Variants in MGMT observed in about 807,000 individuals in gnomAD.
MGMT encodes the protein methylated-DNA--protein-cysteine methyltransferase.
MGMT carries 14 observed loss-of-function variants against 15.9 expected under a neutral mutation model. That is an observed-to-expected ratio of 0.88 (90% confidence interval 0.58 to 1.37). The LOEUF (loss-of-function observed/expected upper bound fraction) is 1.37. Ranked by LOEUF, MGMT falls within the 40% of genes most tolerant of loss-of-function variation. The pLI is 0.00. For synonymous variants in MGMT, 130 were observed against 118.2 expected (o/e 1.10, Z -0.65); for missense variants, 282 against 268.1 (o/e 1.05, Z -0.36).
intron 1 of MGMT, among the ~76,000 whole-genome samples, chr10:129,486,778 T>C (rs889007739): frequency 6.6e-5 from 10 of 152,214 alleles, no homozygotes; most frequent in African/African-American, 2.4e-4. Flanking sequence ...CAGGCTTAAG[T>C]GTGTGTCATC....
At chr10:129,630,520 A>G (rs1396947874) in intron 2 of MGMT, among the ~76,000 whole-genome samples, 1 of 152,200 alleles carries the variant, frequency 6.6e-6, no homozygotes, top group Non-Finnish European at 1.5e-5. Context: ...CTTTCTCATA[A>G]TGCTCTTGGC....
intron 2 of MGMT, among the ~76,000 whole-genome samples, chr10:129,629,674 G>T (rs1399829574): frequency 6.6e-6 from 1 of 152,146 alleles, no homozygotes; most frequent in Non-Finnish European, 1.5e-5. Context: ...CTGTGTAAGG[G>T]TTGCTCCACG....
intron 1 of MGMT, among the ~76,000 whole-genome samples, chr10:129,485,484 A>G (rs1845399158): frequency 6.6e-6 from 1 of 152,150 alleles, no homozygotes; most frequent in Admixed American, 6.5e-5. Flanking sequence ...CCATTGTTTT[A>G]TATAAAAGTT....
intron 3 of MGMT, among the ~76,000 whole-genome samples, chr10:129,722,750 A>G (rs1254187220): frequency 6.6e-6 from 1 of 152,170 alleles, no homozygotes; most frequent in Non-Finnish European, 1.5e-5. Flanking sequence ...TTACGCCTGT[A>G]ACCCCAGCAC....
intron 2 of MGMT, among the ~76,000 whole-genome samples, chr10:129,661,418 C>T (rs1847596657): frequency 6.6e-6 from 1 of 152,134 alleles, no homozygotes; most frequent in African/African-American, 2.4e-5. Context: ...AAGACGCGTC[C>T]ATTTCTCACA....
intron 1 of MGMT, among the ~76,000 whole-genome samples, chr10:129,514,138 A>G (rs1845713116): frequency 6.6e-6 from 1 of 152,234 alleles, no homozygotes; most frequent in Non-Finnish European, 1.5e-5. Context: ...TACCTGCTGA[A>G]TTTTGTAATA....
At chr10:129,543,872 C>A (rs964437652) in intron 2 of MGMT, among the ~76,000 whole-genome samples, 1 of 152,174 alleles carries the variant, frequency 6.6e-6, no homozygotes, top group Admixed American at 6.5e-5. Context: ...ATGACAGCTA[C>A]AAATAGGTGA....
intron 2 of MGMT, among the ~76,000 whole-genome samples, chr10:129,559,520 T>TA: frequency 6.6e-6 from 1 of 152,298 alleles, no homozygotes; most frequent in South Asian, 2.1e-4. Flanking sequence ...TTTAATGTTT[T>TA]AGGGGAGATT....
intron 2 of MGMT, among the ~76,000 whole-genome samples, chr10:129,574,530 C>A (rs1188652696): frequency 1.3e-5 from 2 of 152,140 alleles, no homozygotes; most frequent in African/African-American, 4.8e-5. Context: ...AATATAGGTA[C>A]ATAAATCCTA....
chr10:129,493,581 A>C (rs564186809), intron 1 of MGMT, among the ~76,000 whole-genome samples: 1 of 152,328 alleles, frequency 6.6e-6, no homozygotes, highest in South Asian at 2.1e-4. Flanking sequence ...AGATTTAGAA[A>C]AAGTAATATT....
chr10:129,512,512 C>T (rs752952419), intron 1 of MGMT, among the ~76,000 whole-genome samples: 2 of 152,142 alleles, frequency 1.3e-5, no homozygotes, highest in Non-Finnish European at 2.9e-5. Flanking sequence ...TGCCTTTGAG[C>T]TTCGGGTCTT....
rs1028717571 is a variant in MGMT, at chr10:129,766,673, C to T, written c.415-115C>T. On this transcript the variant is annotated intron_variant, in intron 4 of 4. Coordinates refer to ENST00000651593, the MANE Select transcript of MGMT (RefSeq NM_002412.5). ...ACCCATGCCAACAGCCTGCCCCTGGCACAGGCCCCTGCTTGGTGGGCACAG... is the reference window on the plus strand; with the variant it reads ...ACCCATGCCAACAGCCTGCCCCTGGTACAGGCCCCTGCTTGGTGGGCACAG... 3.2e-6 allele frequency: 3 copies of T among 936,640 alleles called. No homozygotes were observed. The African/African-American group carries it at 5.0e-5, about 16-fold the overall frequency. 58.0% of individuals were successfully genotyped at this position (936,640 alleles called of 1,614,324 possible).
intron 2 of MGMT, among the ~76,000 whole-genome samples, chr10:129,643,545 C>A (rs1007297996): frequency 3.9e-5 from 6 of 152,148 alleles, no homozygotes; most frequent in Non-Finnish European, 7.3e-5. Flanking sequence ...CCACCTTCTT[C>A]AGGCTCTTTC....
chr10:129,493,881 G>C (rs116879063), intron 1 of MGMT, among the ~76,000 whole-genome samples: 43 of 152,160 alleles, frequency 2.8e-4, no homozygotes, highest in African/African-American at 1.0e-3. Flanking sequence ...TAGACATCAC[G>C]TGCACACTTA....
intron 3 of MGMT, among the ~76,000 whole-genome samples, chr10:129,728,503 C>T (rs773351591): frequency 6.6e-6 from 1 of 152,066 alleles, no homozygotes; most frequent in Non-Finnish European, 1.5e-5. Context: ...TTATGCCATC[C>T]TCACTTGTAA....
At chr10:129,526,390 A>G (rs1845870716) in intron 1 of MGMT, among the ~76,000 whole-genome samples, 1 of 152,080 alleles carries the variant, frequency 6.6e-6, no homozygotes. Flanking sequence ...TGAGGCAGTC[A>G]GACACGGTCC....
intron 1 of MGMT, among the ~76,000 whole-genome samples, chr10:129,486,294 T>C (rs1018666876): frequency 2.6e-5 from 4 of 151,750 alleles, no homozygotes; most frequent in African/African-American, 9.7e-5. Flanking sequence ...TTTAAGCAAT[T>C]CTCCTGCCTT....
chr10:129,687,049 T>A (rs971996950), intron 2 of MGMT, among the ~76,000 whole-genome samples: 1 of 152,206 alleles, frequency 6.6e-6, no homozygotes. Context: ...GCACTCACCC[T>A]CCCATCTCCT....
At chr10:129,736,873 T>C (rs1459310524) in intron 3 of MGMT, among the ~76,000 whole-genome samples, 1 of 152,212 alleles carries the variant, frequency 6.6e-6, no homozygotes, top group Non-Finnish European at 1.5e-5. Flanking sequence ...TCTTTAAGAA[T>C]GTTGAATATT....
Sources: allele counts gnomAD v4.1 joint callset (sites outside exome capture counted in the v4.1 genomes callset), GRCh38; gene constraint gnomAD v4.1.1; transcripts MANE v1.5; gene names NCBI Gene and HGNC (gene_info 2026-07-23, HGNC 2026-07-21).